RNLS: variants seen among roughly 807,000 people sequenced by gnomAD.
RNLS encodes renalase, FAD dependent amine oxidase.
Under a neutral mutation model 39.8 loss-of-function variants are expected in RNLS, and 39 were observed. That is an observed-to-expected ratio of 0.98 (90% CI 0.76 to 1.28). The LOEUF (loss-of-function observed/expected upper bound fraction) is 1.28. Ranked by LOEUF, RNLS falls within the 50% of genes most tolerant of loss-of-function variation. The pLI, the probability that RNLS is intolerant of heterozygous loss-of-function variation, is 0.00. For missense variants in RNLS, 410 were observed against 413.3 expected, an observed-to-expected ratio of 0.99 and a Z score of 0.07; for synonymous variants, 147 against 150.7, an observed-to-expected ratio of 0.98 and a Z score of 0.18.
At chr10:88,255,580 A>G in the RNLS span, among the ~76,000 whole-genome samples, 107 of 152,334 alleles carry the variant, frequency 7.0e-4, 2 homozygotes, top group East Asian at 0.018. Flanking sequence ...GGCTGTGAGC[A>G]TTTGTACTAA....
downstream of RNLS, among the ~76,000 whole-genome samples, chr10:88,272,859 G>A (rs1589440763): frequency 6.6e-6 from 1 of 152,264 alleles, no homozygotes; most frequent in African/African-American, 2.4e-5. Flanking sequence ...GGATTCTCAG[G>A]TGTAGAAACT....
chr10:88,419,844 A>G (rs1041543034), intron 4 of RNLS, among the ~76,000 whole-genome samples: 6 of 151,504 alleles, frequency 4.0e-5, no homozygotes, highest in African/African-American at 1.5e-4. Context: ...GTCTCTACTA[A>G]AAAAAAGTAC....
chr10:88,574,907 T>C (rs1374962540), intron 3 of RNLS, among the ~76,000 whole-genome samples: 2 of 151,908 alleles, frequency 1.3e-5, no homozygotes, highest in Non-Finnish European at 2.9e-5. Context: ...CTCACCCTAC[T>C]TGCCTCACTT....
At chr10:88,180,400 C>A in the RNLS span, among the ~76,000 whole-genome samples, 1 of 152,034 alleles carries the variant, frequency 6.6e-6, no homozygotes, top group East Asian at 1.9e-4. Context: ...GATAAAGATT[C>A]GATTTTTCAG....
chr10:88,265,671 GC>G, the RNLS span, among the ~76,000 whole-genome samples: 1 of 152,116 alleles, frequency 6.6e-6, no homozygotes, highest in African/African-American at 2.4e-5. Flanking sequence ...TTGGTGTATA[GC>G]AGAACTACTG....
chr10:88,207,012 G>C, the RNLS span, among the ~76,000 whole-genome samples: 2 of 152,032 alleles, frequency 1.3e-5, no homozygotes, highest in Admixed American at 6.6e-5. Flanking sequence ...AATGTGTTTT[G>C]TTTTGGCCTA....
intron 4 of RNLS, among the ~76,000 whole-genome samples, chr10:88,515,183 AT>A (rs1474168388): frequency 2.0e-5 from 3 of 151,796 alleles, no homozygotes; most frequent in African/African-American, 7.3e-5. Context: ...AGTTCTTAAT[AT>A]TTTTTCCAAG....
intron 4 of RNLS, among the ~76,000 whole-genome samples, chr10:88,508,347 C>T (rs1845909450): frequency 6.6e-6 from 1 of 152,110 alleles, no homozygotes; most frequent in Admixed American, 6.6e-5. Flanking sequence ...GCCTTTATTT[C>T]CTCATCTGTA....
intron 5 of RNLS, among the ~76,000 whole-genome samples, chr10:88,324,894 A>G (rs1197344704): frequency 6.6e-6 from 1 of 152,152 alleles, no homozygotes; most frequent in African/African-American, 2.4e-5. Context: ...ATGGAGTCAT[A>G]CAGTATTTGT....
At chr10:88,257,085 G>T in the RNLS span, among the ~76,000 whole-genome samples, 1 of 151,848 alleles carries the variant, frequency 6.6e-6, no homozygotes, top group Non-Finnish European at 1.5e-5. Context: ...TCCCTACTGA[G>T]CTTGTATTGT....
At chr10:88,383,561 C>G (rs566907591) in intron 4 of RNLS, among the ~76,000 whole-genome samples, 71 of 152,264 alleles carry the variant, frequency 4.7e-4, no homozygotes, top group African/African-American at 1.7e-3. Flanking sequence ...TGAGTTCAAA[C>G]TACAATTCCA....
chr10:88,297,944 C>T (rs1844209398), intron 6 of RNLS, among the ~76,000 whole-genome samples: 2 of 152,148 alleles, frequency 1.3e-5, no homozygotes, highest in African/African-American at 4.8e-5. Flanking sequence ...TTTACATTCC[C>T]ACTAGCAAAG....
chr10:88,328,347 G>T (rs1354150996), intron 5 of RNLS, among the ~76,000 whole-genome samples: 1 of 152,080 alleles, frequency 6.6e-6, no homozygotes, highest in Non-Finnish European at 1.5e-5. Flanking sequence ...GCCAATTTCT[G>T]CTTTCAGTCT....
chr10:88,447,433 T>G (rs1452511186), intron 4 of RNLS, among the ~76,000 whole-genome samples: 1 of 152,128 alleles, frequency 6.6e-6, no homozygotes, highest in Non-Finnish European at 1.5e-5. Flanking sequence ...AATAAATACC[T>G]AGGAATCCAT....
intron 4 of RNLS, among the ~76,000 whole-genome samples, chr10:88,535,549 G>A (rs555873676): frequency 3.1e-4 from 47 of 151,960 alleles, no homozygotes; most frequent in African/African-American, 4.8e-4. Flanking sequence ...GTTTACCTAC[G>A]TAACAAACCT....
At chr10:88,464,173 T>G (rs972499445) in intron 4 of RNLS, among the ~76,000 whole-genome samples, 2 of 152,022 alleles carry the variant, frequency 1.3e-5, no homozygotes, top group African/African-American at 4.8e-5. Context: ...TTTGCAAAAA[T>G]AGCTAATATC....
intron 4 of RNLS, among the ~76,000 whole-genome samples, chr10:88,554,895 C>T (rs547369821): frequency 1.6e-4 from 25 of 152,106 alleles, no homozygotes; most frequent in African/African-American, 6.0e-4. Context: ...AAACTTGATC[C>T]AACCTCATCT....
chr10:88,356,813 GA>G (rs1849227186), intron 5 of RNLS, among the ~76,000 whole-genome samples: 1 of 101,422 alleles, frequency 9.9e-6, no homozygotes, highest in Non-Finnish European at 2.4e-5. Context: ...AATCTCCTCA[GA>G]TTGCTGACTA....
chr10:88,462,178 T>C (rs925703145), intron 4 of RNLS, among the ~76,000 whole-genome samples: 24 of 152,174 alleles, frequency 1.6e-4, no homozygotes, highest in African/African-American at 5.5e-4. Flanking sequence ...AATAGGTATA[T>C]AGACTATATT....
Sources: allele counts gnomAD v4.1 joint callset (sites outside exome capture counted in the v4.1 genomes callset), GRCh38; gene constraint gnomAD v4.1.1; transcripts MANE v1.5; gene names NCBI Gene and HGNC (gene_info 2026-07-23, HGNC 2026-07-21).